MAN2C1: variants seen among roughly 807,000 people sequenced by gnomAD.
The protein encoded by MAN2C1 is alpha-mannosidase 2C1.
A neutral mutation model predicts 126.9 loss-of-function variants in MAN2C1; 111 were observed. The observed-to-expected ratio is 0.87, with a 90% CI of 0.75 to 1.02. The LOEUF (loss-of-function observed/expected upper bound fraction) is 1.02, where lower values mean the gene tolerates loss of function less well. Ranked by LOEUF, MAN2C1 falls within the 50% of genes least tolerant of loss-of-function variation. MAN2C1 has a pLI of 0.00. For synonymous variants in MAN2C1, 567 were observed against 561.5 expected (o/e 1.01, Z -0.14); for missense variants, 1,363 against 1,364.4 (o/e 1.00, Z 0.02).
Position 75,362,761 on chromosome 15 carries a change from T to C in MAN2C1, c.791-13A>G. 6.2e-7 allele frequency: 1 copy of C among 1,611,050 alleles called. No individual in the cohort carries two copies. The highest frequency in any genetic ancestry group is 8.5e-7 in the Non-Finnish European group (1 of 1,177,796). ...GGCCAAAGCCAGGCTATACGGGGAG[T>C]GAGGTGGAGGACAGAGGGAGCAGCA... is the stretch of plus-strand genomic sequence containing the variant. On this transcript the variant is annotated splice_polypyrimidine_tract_variant and intron_variant, in intron 6 of 25. Transcript: ENST00000267978. This position sits in a 1 kb window ranked among gnomAD's most constrained non-coding sequence, Gnocchi z 4.5.
intron 19 of MAN2C1, 23 bp downstream of exon 19, chr15:75,358,681 C>CCCACATGCTGCCCAGCCCACA (rs149997575): frequency 1.2e-6 from 2 of 1,603,620 alleles, no homozygotes; most frequent in Non-Finnish European, 1.7e-6. Flanking sequence ...CTCCACCATC[C>CCCACATGCTGCCCAGCCCACA]CCACATGCTG....
Position 75,359,845 on chromosome 15 carries a change from A to G in MAN2C1, c.1792+58T>C. 2.5e-6 allele frequency: 4 copies of G among 1,611,104 alleles called. No homozygotes were observed. In the South Asian group the frequency reaches 4.4e-5, roughly 18 times the overall value. On this transcript the variant is annotated intron_variant, in intron 15 of 25. Transcript: ENST00000267978. Reference sequence around the variant, plus strand: ...TGTGCCCATGGGTATCCCACAGGGGACACTCTGGGCTCAGCCCTGGGGTTG... The same window carrying G: ...TGTGCCCATGGGTATCCCACAGGGGGCACTCTGGGCTCAGCCCTGGGGTTG...
rs761449790 is a variant in MAN2C1 at position 75,355,916 on chromosome 15, G to A, written c.3113C>T (p.Pro1038Leu). The A allele has an allele frequency of 1.9e-5, 31 of 1,614,072 alleles. No individual in the cohort carries two copies. The highest frequency in any genetic ancestry group is 9.3e-5 in the African/African-American group (7 of 74,936). Residue 1038 changes from proline to leucine, a missense_variant, in exon 26 of 26, where the codon CCG (proline) becomes CTG (leucine). By Grantham distance (98) the Pro-to-Leu change is moderately conservative. Coordinates refer to ENST00000267978, the MANE Select transcript of MAN2C1 (RefSeq NM_006715.4). ...CCCAGCCCCAGGGACTCAGTGTGGCGGAGGCTGAAGCACGAGCAACAGGGA... is the reference window on the plus strand; with the variant it reads ...CCCAGCCCCAGGGACTCAGTGTGGCAGAGGCTGAAGCACGAGCAACAGGGA... ...VLSLLLVLQP[P>L]PH
rs370327187 is a variant in MAN2C1 at position 75,361,042 on chromosome 15, T to G, written c.1460+4A>C. On this transcript the variant is annotated splice_donor_region_variant and intron_variant, in intron 12 of 25. Coordinates refer to ENST00000267978, the MANE Select transcript of MAN2C1 (RefSeq NM_006715.4). This position sits in a 1 kb window ranked among gnomAD's most constrained non-coding sequence, Gnocchi z 5.0. ...GCTAAAGGAGAGCCAAGGCCTGGCCTGACCTGGGCAGCCCATCCGTATTGC... is the reference window on the plus strand; with the variant it reads ...GCTAAAGGAGAGCCAAGGCCTGGCCGGACCTGGGCAGCCCATCCGTATTGC... 8 of 1,607,448 alleles carry G rather than the reference T, an allele frequency of 5.0e-6. No homozygotes were observed. In the African/African-American group the frequency reaches 1.1e-4, roughly 21 times the overall value.
Position 75,368,561 on chromosome 15 carries a change from T to C in MAN2C1, c.23A>G (p.Lys8Arg). Residue 8 changes from lysine to arginine, a missense_variant, in exon 1 of 26, where the codon AAG (lysine) becomes AGG (arginine). Physicochemically the swap from Lys to Arg is conservative, Grantham distance 26 (BLOSUM62 2). Around this residue, in one of 3 missense-constraint regions of MAN2C1, gnomAD observed 628 missense variants for 609.8 expected, o/e 1.03. Transcript: ENST00000267978. MAAAPALKHWRTTLERVE... is the reference protein window; with the variant it reads MAAAPALRHWRTTLERVE... ...CCGCTCCAGCGTGGTGCGCCAGTGC[T>C]TCAAGGCCGGCGCAGCCGCCATCGC... is the stretch of plus-strand genomic sequence containing the variant. 6.5e-7 allele frequency: 1 copy of C among 1,549,384 alleles called. No individual in the cohort carries two copies. Among genetic ancestry groups the C allele is most frequent in the Non-Finnish European group, 8.7e-7 (1 of 1,147,624 alleles).
chr15:75,362,382 A>C lies in MAN2C1; in HGVS notation c.969T>G (p.Arg323=). Reference sequence around the variant, plus strand: ...TGCCCCCCACAGGCACAAACTGCCCACGGCACGCAAACTCCTGGATGCGGG... The same window carrying C: ...TGCCCCCCACAGGCACAAACTGCCCCCGGCACGCAAACTCCTGGATGCGGG... The part of the protein sequence containing the change: ...LYSRIQEFAC[R]GQFVPVGGTW... The change falls in exon 8 of 26, where the codon CGT becomes CGG. Residue 323 remains arginine (R), a synonymous_variant. Coordinates refer to ENST00000267978, the MANE Select transcript of MAN2C1 (RefSeq NM_006715.4). This position sits in a 1 kb window ranked among gnomAD's most constrained non-coding sequence, Gnocchi z 4.5. The C allele has an allele frequency of 6.2e-7, 1 of 1,613,964 alleles. No individual in the cohort carries two copies. The highest frequency in any genetic ancestry group is 1.1e-5 in the South Asian group (1 of 91,086).
rs774547580 is a variant in MAN2C1 at position 75,358,244 on chromosome 15, C to G, written c.2504G>C (p.Arg835Pro). The G allele has an allele frequency of 6.2e-7, 1 of 1,614,056 alleles. No individual in the cohort carries two copies. The highest frequency in any genetic ancestry group is 8.5e-7 in the Non-Finnish European group (1 of 1,180,048). Residue 835 changes from arginine (R) to proline (P), a missense_variant, in exon 21 of 26, where the codon CGA (arginine) becomes CCA (proline). Around this residue, in one of 3 missense-constraint regions of MAN2C1, gnomAD observed 668 missense variants for 650.1 expected, o/e 1.03. Coordinates refer to ENST00000267978, the MANE Select transcript of MAN2C1 (RefSeq NM_006715.4). ...TYEIQFGHLQ[R>P]PTHYNTSWDW... ...CCAAGAGGTATTGTAGTGGGTAGGT[C>G]GCTGCAGGTGCCCAAACTGGATCTC...
At position 75,361,111 on chromosome 15, in the gene MAN2C1, ACCC is replaced by A. The variant is rs1468943921; in HGVS notation, c.1392_1394del (p.Gly467del). 2 of 1,612,258 alleles carry A rather than the reference ACCC, an allele frequency of 1.2e-6. No individual in the cohort carries two copies. Among genetic ancestry groups the A allele is most frequent in the African/African-American group, 2.7e-5 (2 of 74,740 alleles). On this transcript the variant is annotated inframe_deletion, in exon 12 of 26. Coordinates refer to ENST00000267978, the MANE Select transcript of MAN2C1 (RefSeq NM_006715.4). The surrounding 1 kb of genome is among the most constrained non-coding windows in gnomAD (Gnocchi z 5.0). ...CCAGCATGGTCTGGGTGGGGCCACCACCCCCATCCCCAAAGCCAAAGAGGAAGG... is the reference window on the plus strand; with the variant it reads ...CCAGCATGGTCTGGGTGGGGCCACCACCATCCCCAAAGCCAAAGAGGAAGG...
Position 75,362,588 on chromosome 15 carries a change from G to C in MAN2C1, c.897+54C>G. On this transcript the variant is annotated intron_variant, in intron 7 of 25. Transcript: ENST00000267978. The surrounding 1 kb of genome is among the most constrained non-coding windows in gnomAD (Gnocchi z 4.5). Reference sequence around the variant, plus strand: ...GCCTGGGAAGCCTTCAGGGCCTGTGGAGCTCCAGGGAGGGCCACGTGCTTC... The same window carrying C: ...GCCTGGGAAGCCTTCAGGGCCTGTGCAGCTCCAGGGAGGGCCACGTGCTTC... The C allele has an allele frequency of 1.3e-6, 2 of 1,585,664 alleles. No homozygotes were observed. Among genetic ancestry groups the C allele is most frequent in the South Asian group, 1.1e-5 (1 of 89,650 alleles).
At position 75,358,485 on chromosome 15, in the gene MAN2C1, G is replaced by A; in HGVS notation, c.2380C>T (p.Pro794Ser). Residue 794 changes from proline (P) to serine (S), a missense_variant, in exon 20 of 26, where the codon CCC becomes TCC. By Grantham distance (74) the Pro-to-Ser change is moderately conservative (BLOSUM62 -1). This residue lies in a region of MAN2C1 where 668 missense variants were observed against 650.1 expected (regional missense o/e 1.03). Coordinates refer to ENST00000267978, the MANE Select transcript of MAN2C1 (RefSeq NM_006715.4). ...SQEVVLDVGC[P>S]YVRFHTEVHW... The stretch of plus-strand genomic sequence containing the variant: ...ACCTCGGTGTGGAAGCGGACATAGG[G>A]GCAGCCAACGTCCAGCACAACCTCC... 6.2e-7 allele frequency: 1 copy of A among 1,613,546 alleles called. No homozygotes were observed. Among genetic ancestry groups the A allele is most frequent in the Non-Finnish European group, 8.5e-7 (1 of 1,180,012 alleles).
chr15:75,358,476 G>A lies in MAN2C1; in HGVS notation c.2389C>T (p.Arg797Cys), dbSNP rs1188504706. The A allele has an allele frequency of 9.9e-6, 16 of 1,613,516 alleles. No individual in the cohort carries two copies. The highest frequency in any genetic ancestry group is 4.5e-5 in the East Asian group (2 of 44,878). Residue 797 changes from arginine to cysteine, a missense_variant, in exon 20 of 26, where the codon CGC becomes TGC. Arg to Cys is a radical substitution (Grantham distance 180, BLOSUM62 -3). Coordinates refer to ENST00000267978, the MANE Select transcript of MAN2C1 (RefSeq NM_006715.4). ...CCCCCGACTACCTCGGTGTGGAAGC[G>A]GACATAGGGGCAGCCAACGTCCAGC... Reference protein sequence around the residue: ...VVLDVGCPYVRFHTEVHWHEA... With the variant: ...VVLDVGCPYVCFHTEVHWHEA...
At position 75,359,731 on chromosome 15, in the gene MAN2C1, C is replaced by T; in HGVS notation, c.1837G>A (p.Ala613Thr). The stretch of plus-strand genomic sequence containing the variant: ...GGACCTGGCTCCCCAGCACACAGGG[C>T]TGCGGCTGCAGCGCTGAGCAGTGTA... ...GNTLLSAAAA[A>T]LCAGEPGPEG... Residue 613 changes from alanine (A) to threonine (T), a missense_variant, in exon 16 of 26, where the codon GCC becomes ACC. Ala to Thr is a moderately conservative substitution (Grantham distance 58). Transcript: ENST00000267978. The T allele has an allele frequency of 6.2e-7, 1 of 1,613,918 alleles. No homozygotes were observed. The highest frequency in any genetic ancestry group is 8.5e-7 in the Non-Finnish European group (1 of 1,179,992).
At position 75,358,814 on chromosome 15, in the gene MAN2C1, A is replaced by G. The variant is rs1461616725; in HGVS notation, c.2142-6T>C. ...CGCCCTCAGCAATGGCCTCCCTGGA[A>G]GGACATGGGATTGGTGCTGTACAAC... On this transcript the variant is annotated splice_polypyrimidine_tract_variant and splice_region_variant and intron_variant, in intron 18 of 25. Coordinates refer to ENST00000267978, the MANE Select transcript of MAN2C1 (RefSeq NM_006715.4). The G allele has an allele frequency of 2.6e-5, 42 of 1,608,558 alleles. No homozygotes were observed. Among genetic ancestry groups the G allele is most frequent in the Non-Finnish European group, 3.6e-5 (42 of 1,175,826 alleles).
Position 75,361,188 on chromosome 15 carries a change from G to A in MAN2C1, c.1318C>T (p.Leu440=). The change falls in exon 12 of 26, where the codon CTG becomes TTG. Residue 440 remains leucine (L), a synonymous_variant. Transcript: ENST00000267978. This position sits in a 1 kb window ranked among gnomAD's most constrained non-coding sequence, Gnocchi z 5.0. ...YGMQGSVEEV[L]KTVANNRDKG... is the part of the protein sequence containing the mutation. ...TCCCGGTTGTTGGCCACGGTCTTCA[G>A]CACCTAGACAGGTGAGGGCAGGCCA... 6.2e-7 allele frequency: 1 copy of A among 1,612,066 alleles called. No homozygotes were observed.
At chr15:75,365,286 C>A (rs1340777911) in intron 4 of MAN2C1, among the ~76,000 whole-genome samples, 1 of 138,448 alleles carries the variant, frequency 7.2e-6, no homozygotes, top group African/African-American at 2.8e-5. Context: ...CACCATACTC[C>A]CAGTGTCTGA....
chr15:75,365,151 A>C (rs773831014), intron 4 of MAN2C1, among the ~76,000 whole-genome samples: 3 of 152,170 alleles, frequency 2.0e-5, no homozygotes, highest in Non-Finnish European at 2.9e-5. Context: ...TCCTGACTCC[A>C]CTTCGCTGCT....
In MAN2C1 at chr15:75,360,353, G is replaced by A. The variant is rs2072441599; in HGVS notation, c.1585-142C>T. On this transcript the variant is annotated intron_variant, in intron 13 of 25. Coordinates refer to ENST00000267978, the MANE Select transcript of MAN2C1 (RefSeq NM_006715.4). ...CTCTGGCGGGTGACCTGCCTTAAAT[G>A]CCTTCCCTCTTCTCCCCGCAGCCCA... 6 of 1,345,776 alleles carry A rather than the reference G, an allele frequency of 4.5e-6. 1 individual carries two copies. The South Asian group carries it at 5.4e-5, about 12-fold the overall frequency. The allele number at this position is 1,345,776 out of a possible 1,614,324, so 83.4% of individuals were successfully genotyped here.
In MAN2C1 at chr15:75,362,641, C is replaced by A; in HGVS notation, c.897+1G>T. Reference sequence around the variant, plus strand: ...TCCTCCCTCACAGCTGTCCCTCTGACCTGGGAGCAGGCAAAGATGAACTCA... The same window carrying A: ...TCCTCCCTCACAGCTGTCCCTCTGAACTGGGAGCAGGCAAAGATGAACTCA... On this transcript the variant is annotated splice_donor_variant, in intron 7 of 25. Transcript: ENST00000267978. LOFTEE classifies it high-confidence loss of function. The surrounding 1 kb of genome is among the most constrained non-coding windows in gnomAD (Gnocchi z 4.5). 1 of 1,613,920 alleles carries A rather than the reference C, an allele frequency of 6.2e-7. No individual in the cohort carries two copies. The highest frequency in any genetic ancestry group is 8.5e-7 in the Non-Finnish European group (1 of 1,179,920).
Position 75,355,948 on chromosome 15 carries a change from T to C in MAN2C1, c.3081A>G (p.Gln1027=). The C allele has an allele frequency of 4.3e-6, 7 of 1,614,014 alleles. No individual in the cohort carries two copies. Among genetic ancestry groups the C allele is most frequent in the South Asian group, 3.3e-5 (3 of 91,070 alleles). Residue 1027 remains glutamine (Q), a synonymous_variant, in exon 26 of 26, where the codon CAA becomes CAG. Transcript: ENST00000267978. ...GAAGCACGAGCAACAGGGACAGCACTTGGAAGGGAGAAAAGGTGAGCTTCA... is the reference window on the plus strand; with the variant it reads ...GAAGCACGAGCAACAGGGACAGCACCTGGAAGGGAGAAAAGGTGAGCTTCA... The part of the protein sequence containing the change: ...NRLKLTFSPF[Q]VLSLLLVLQP...
Sources: allele counts gnomAD v4.1 joint callset (sites outside exome capture counted in the v4.1 genomes callset), GRCh38; gene constraint gnomAD v4.1.1; regional missense constraint gnomAD v4.1.1; non-coding constraint Gnocchi (gnomAD v3.1); transcripts MANE v1.5; gene names NCBI Gene and HGNC (gene_info 2026-07-23, HGNC 2026-07-21).